The following DLGAP4 variants were observed in gnomAD, a reference collection of about 807,000 sequenced individuals.
The protein encoded by DLGAP4 is disks large-associated protein 4.
DLGAP4 carries 18 observed loss-of-function variants against 86.9 expected under a neutral mutation model. The ratio of observed to expected loss-of-function variants is 0.21; its 90% CI spans 0.14 to 0.31. The LOEUF is 0.31. Among genes scored for constraint, DLGAP4 ranks in the 10% least tolerant of loss-of-function variants. The pLI, the probability that DLGAP4 is intolerant of heterozygous loss-of-function variation, is 1.00. For missense variants in DLGAP4, 1,085 were observed against 1,362.6 expected, an observed-to-expected ratio of 0.80 and a Z score of 3.21; for synonymous variants, 548 against 574.3, an observed-to-expected ratio of 0.95 and a Z score of 0.65.
At chr20:36,378,917 C>G (rs2031265446) in intron 2 of DLGAP4, among the ~76,000 whole-genome samples, 2 of 152,126 alleles carry the variant, frequency 1.3e-5, no homozygotes, top group Non-Finnish European at 2.9e-5. Context: ...AGCCCAAGTA[C>G]CGGGCCTCGT....
chr20:36,446,668 C>A, intron 6 of DLGAP4, 29 bp from the exon 7 acceptor site: 2 of 1,573,728 alleles, frequency 1.3e-6, no homozygotes, highest in Non-Finnish European at 1.7e-6. Flanking sequence ...AGATAGCCAG[C>A]TCCCTCATGC....
intron 8 of DLGAP4, 136 bp from the exon 9 acceptor site, chr20:36,499,452 C>A: frequency 7.4e-7 from 1 of 1,342,990 alleles, no homozygotes. Context: ...CGTGCAGTGT[C>A]CGCATGCCTC....
intron 1 of DLGAP4, among the ~76,000 whole-genome samples, chr20:36,354,792 A>T (rs2030270809): frequency 6.6e-6 from 1 of 152,060 alleles, no homozygotes; most frequent in African/African-American, 2.4e-5. Context: ...AAAGAAAAAA[A>T]TTGGCCAGGC....
chr20:36,500,301 G>A lies in DLGAP4; in HGVS notation c.2202G>A (p.Pro734=), dbSNP rs36204269. 14 of 1,613,730 alleles carry A rather than the reference G, an allele frequency of 8.7e-6. No homozygotes were observed. Among genetic ancestry groups the A allele is most frequent in the African/African-American group, 4.0e-5 (3 of 74,918 alleles). The change falls in exon 10 of 13, where the codon CCG becomes CCA. Residue 734 remains proline (P), a synonymous_variant. Transcript: ENST00000339266. The surrounding 1 kb of genome is among the most constrained non-coding windows in gnomAD (Gnocchi z 4.6). The part of the protein sequence containing the change: ...SSCKSSERSL[P]DCTPHPNSIS... ...GTAAGTCATCTGAGAGGAGCCTCCCGGACTGTACCCCTCACCCCAACTCCA... is the reference window on the plus strand; with the variant it reads ...GTAAGTCATCTGAGAGGAGCCTCCCAGACTGTACCCCTCACCCCAACTCCA...
chr20:36,310,085 G>A (rs2065038656), intron 1 of DLGAP4, among the ~76,000 whole-genome samples: 1 of 151,788 alleles, frequency 6.6e-6, no homozygotes, highest in Admixed American at 6.6e-5. Context: ...TGTAATCCCA[G>A]CACTTTGGGA....
At chr20:36,372,038 C>T (rs945277421) in intron 2 of DLGAP4, among the ~76,000 whole-genome samples, 9 of 152,174 alleles carry the variant, frequency 5.9e-5, no homozygotes, top group African/African-American at 2.2e-4. Flanking sequence ...GGGGAATCAG[C>T]AGATCTGGGT....
At chr20:36,444,603 G>C (rs1336044998) in intron 6 of DLGAP4, among the ~76,000 whole-genome samples, 2 of 151,488 alleles carry the variant, frequency 1.3e-5, no homozygotes, top group Non-Finnish European at 2.9e-5. Flanking sequence ...CAAGTCAAAT[G>C]TGGCTCCTGT....
At chr20:36,437,426 C>G (rs2033319285) in intron 4 of DLGAP4, among the ~76,000 whole-genome samples, 1 of 152,224 alleles carries the variant, frequency 6.6e-6, no homozygotes, top group Non-Finnish European at 1.5e-5. Context: ...GGAGAACCTG[C>G]CCTGAGTGAG....
intron 2 of DLGAP4, among the ~76,000 whole-genome samples, chr20:36,428,430 A>G (rs2033039582): frequency 6.6e-6 from 1 of 152,176 alleles, no homozygotes. Context: ...CTATGAAGAA[A>G]TCCTGAAGGG....
At chr20:36,339,175 C>T (rs192892843) in intron 1 of DLGAP4, among the ~76,000 whole-genome samples, 57 of 150,448 alleles carry the variant, frequency 3.8e-4, no homozygotes, top group Middle Eastern at 7.2e-3. Flanking sequence ...TGCAACTCTG[C>T]CTCCTGGGTT....
intron 1 of DLGAP4, among the ~76,000 whole-genome samples, chr20:36,338,740 G>T (rs2065347327): frequency 6.6e-6 from 1 of 152,238 alleles, no homozygotes; most frequent in Non-Finnish European, 1.5e-5. Flanking sequence ...ATGAATAAAT[G>T]AATGCAACCG....
chr20:36,501,812 C>T (rs1475554071), intron 10 of DLGAP4, among the ~76,000 whole-genome samples: 1 of 152,202 alleles, frequency 6.6e-6, no homozygotes, highest in Non-Finnish European at 1.5e-5. Context: ...AGGCCAGTTC[C>T]CCGCTTTGAT....
chr20:36,401,430 G>A (rs750175290), intron 2 of DLGAP4, among the ~76,000 whole-genome samples: 25 of 152,220 alleles, frequency 1.6e-4, no homozygotes, highest in Non-Finnish European at 1.6e-4. Flanking sequence ...TCTTTGCCAC[G>A]TGCTGCTGCT....
chr20:36,489,881 T>C (rs1227951615), intron 7 of DLGAP4, among the ~76,000 whole-genome samples: 1 of 140,870 alleles, frequency 7.1e-6, no homozygotes, highest in Non-Finnish European at 1.5e-5. Flanking sequence ...TTTTTTTTGA[T>C]GGAGTCTTGC....
At chr20:36,426,361 A>T (rs2032973546) in intron 2 of DLGAP4, among the ~76,000 whole-genome samples, 1 of 152,134 alleles carries the variant, frequency 6.6e-6, no homozygotes, top group Non-Finnish European at 1.5e-5. Context: ...CTAAAAATAC[A>T]AAAATTAGCT....
At position 36,308,583 on chromosome 20, in the gene DLGAP4, G is replaced by A. The variant is rs1187695700; in HGVS notation, c.-304+2071G>A. ...AGAGAATGTGTGCTTTGGAGCTTTCGGGAGACGCTGACGTATCGGATGTAT... is the reference window on the plus strand; with the variant it reads ...AGAGAATGTGTGCTTTGGAGCTTTCAGGAGACGCTGACGTATCGGATGTAT... On this transcript the variant is annotated intron_variant, in intron 1 of 12. Transcript: ENST00000339266. This position sits in a 1 kb window ranked among gnomAD's most constrained non-coding sequence, Gnocchi z 4.5. Among the ~76,000 whole-genome samples the A allele has an allele frequency of 5.9e-5, 9 of 152,312 alleles. No individual in the cohort carries two copies. The highest frequency in any genetic ancestry group is 6.8e-3 in the Middle Eastern group (2 of 294).
intron 10 of DLGAP4, among the ~76,000 whole-genome samples, chr20:36,519,116 C>CAA (rs57477007): frequency 7.8e-4 from 108 of 139,098 alleles, no homozygotes; most frequent in African/African-American, 2.8e-3. Flanking sequence ...GACTCCATCT[C>CAA]AAAAAAAAAA....
chr20:36,425,740 G>C (rs934821510), intron 2 of DLGAP4, among the ~76,000 whole-genome samples: 3 of 152,138 alleles, frequency 2.0e-5, no homozygotes, highest in Non-Finnish European at 4.4e-5. Context: ...AGAATCACTT[G>C]AACCCAGGAG....
chr20:36,457,385 A>AT (rs869167974), intron 7 of DLGAP4, among the ~76,000 whole-genome samples: 4,768 of 126,332 alleles, frequency 0.038, 133 homozygotes, highest in Non-Finnish European at 0.048. Flanking sequence ...CGCCCGGCTA[A>AT]TTTTTTTTTT....
Sources: gnomAD v4.1 joint callset for allele counts (sites outside exome capture counted in the v4.1 genomes callset) on GRCh38, gnomAD v4.1.1 for gene constraint, Gnocchi (gnomAD v3.1) non-coding constraint, MANE v1.5 for transcripts, NCBI Gene and HGNC (gene_info 2026-07-23, HGNC 2026-07-21) for gene names.